SMARCA4: variants seen among roughly 807,000 people sequenced by gnomAD.
SMARCA4 encodes SWI/SNF-related matrix-associated actin-dependent regulator of chromatin subfamily A member 4.
SMARCA4 carries 31 observed loss-of-function variants against 193.9 expected under a neutral mutation model. The observed-to-expected ratio is 0.16, with a 90% CI of 0.12 to 0.22. The LOEUF (loss-of-function observed/expected upper bound fraction) is 0.22, where lower values mean the gene tolerates loss of function less well. Among genes scored for constraint, SMARCA4 ranks in the 10% least tolerant of loss-of-function variants. The pLI is 1.00. For missense variants in SMARCA4, 1,148 were observed against 2,296.0 expected, an observed-to-expected ratio of 0.50 and a Z score of 10.22; for synonymous variants, 942 against 933.1, an observed-to-expected ratio of 1.01 and a Z score of -0.17.
At chr19:11,061,598 G>A (rs750176596) in intron 34 of SMARCA4, 186 bp from the exon 35 acceptor site, 21 of 660,532 alleles carry the variant, frequency 3.2e-5, no homozygotes, top group South Asian at 6.4e-5. Context: ...GGATGGTCTC[G>A]ATCTCCTGAC....
intron 13 of SMARCA4, among the ~76,000 whole-genome samples, chr19:11,005,581 C>T (rs997568194): frequency 2.6e-5 from 4 of 152,184 alleles, no homozygotes; most frequent in African/African-American, 9.7e-5. Context: ...TCAGCCTCAG[C>T]CAGTGATACG....
Position 10,986,119 on chromosome 19 carries a change from A to G in SMARCA4, c.356-70A>G. 1 of 1,290,880 alleles carries G rather than the reference A, an allele frequency of 7.7e-7. No homozygotes were observed. The highest frequency in any genetic ancestry group is 2.3e-5 in the East Asian group (1 of 43,300). 80.0% of individuals were successfully genotyped at this position (1,290,880 alleles called of 1,614,324 possible). A position where few individuals can be genotyped will look rare whatever the true frequency, so the allele number is the denominator to read the frequency against. ...CCTGTCTCAGAGTAGGAGCTGGTGT[A>G]GGGGGAAGAGGCTGTAAAAATCACA... On this transcript the variant is annotated intron_variant, in intron 3 of 34. Transcript: ENST00000344626. This position sits in a 1 kb window ranked among gnomAD's most constrained non-coding sequence, Gnocchi z 6.7.
chr19:10,989,870 A>G (rs375412797), intron 7 of SMARCA4, among the ~76,000 whole-genome samples: 1 of 151,674 alleles, frequency 6.6e-6, no homozygotes, highest in Non-Finnish European at 1.5e-5. Flanking sequence ...CCTAATTTTT[A>G]TATTTTTAGT....
Position 10,996,541 on chromosome 19 carries a change from C to T in SMARCA4, c.1809C>T (p.Gly603=), listed in dbSNP as rs1212410709. ...AGACGCCTGCCATTGGGCCGGATGG[C>T]GAGGTGAGGAAGCAGGGTTTCTTGT... ...EGQTPAIGPD[G]EPLDETSQMS... Residue 603 remains glycine (G), a synonymous_variant, in exon 11 of 35, where the codon GGC becomes GGT. Coordinates refer to ENST00000344626, the MANE Select transcript of SMARCA4 (RefSeq NM_003072.5). 6 of 1,613,990 alleles carry T rather than the reference C, an allele frequency of 3.7e-6. No individual in the cohort carries two copies. Among genetic ancestry groups the T allele is most frequent in the East Asian group, 4.5e-5 (2 of 44,878 alleles).
chr19:11,009,049 A>G (rs2146210654), intron 14 of SMARCA4, among the ~76,000 whole-genome samples: 1 of 87,428 alleles, frequency 1.1e-5, no homozygotes, highest in Admixed American at 1.8e-4. Flanking sequence ...TTTGAGATAG[A>G]GTCTTGCTCT....
At chr19:11,054,353 G>A (rs2076426118) in intron 30 of SMARCA4, among the ~76,000 whole-genome samples, 1 of 152,224 alleles carries the variant, frequency 6.6e-6, no homozygotes, top group Non-Finnish European at 1.5e-5. Context: ...TCGGCAACAG[G>A]GACAGCAAGG....
chr19:10,968,256 G>A (rs1179165716), intron 1 of SMARCA4, among the ~76,000 whole-genome samples: 12 of 152,190 alleles, frequency 7.9e-5, no homozygotes, highest in Middle Eastern at 3.2e-3. Flanking sequence ...CCAAACTGCT[G>A]AGATTACAGG....
Position 10,967,867 on chromosome 19 carries a change from T to A in SMARCA4, c.-32+6693T>A, listed in dbSNP as rs190503282. Among the ~76,000 whole-genome samples the A allele has an allele frequency of 1.8e-3, 275 of 150,322 alleles. 2 individuals are homozygous for A. The highest frequency in any genetic ancestry group is 2.8e-3 in the Non-Finnish European group (189 of 67,608). On this transcript the variant is annotated intron_variant, in intron 1 of 34. Coordinates refer to ENST00000344626, the MANE Select transcript of SMARCA4 (RefSeq NM_003072.5). ...GCCCGGCTAATTTTGTATTTTTTTT[T>A]AATTTTTATTTATTTATTTATTTTT... is the stretch of plus-strand genomic sequence containing the variant.
In SMARCA4 at chr19:11,034,216, T is replaced by A. The variant is rs2146680754; in HGVS notation, c.3951+16T>A. 1 of 1,603,200 alleles carries A rather than the reference T, an allele frequency of 6.2e-7. No individual in the cohort carries two copies. Among genetic ancestry groups the A allele is most frequent in the Non-Finnish European group, 8.5e-7 (1 of 1,170,458 alleles). ...TCTGTTCATGGTAAGCGCTGCAGGC[T>A]GGATGGGGCAGTTCAGGCATCCCAC... On this transcript the variant is annotated intron_variant, in intron 28 of 34. Coordinates refer to ENST00000344626, the MANE Select transcript of SMARCA4 (RefSeq NM_003072.5). The surrounding 1 kb of genome is among the most constrained non-coding windows in gnomAD (Gnocchi z 7.0).
At chr19:10,975,491 A>G (rs2085058213) in intron 1 of SMARCA4, among the ~76,000 whole-genome samples, 1 of 150,918 alleles carries the variant, frequency 6.6e-6, no homozygotes, top group Non-Finnish European at 1.5e-5. Context: ...TTTGTATTTT[A>G]GTAGAGATAG....
At position 11,033,529 on chromosome 19, in the gene SMARCA4, A is replaced by G. The variant is rs1273717901; in HGVS notation, c.3774+12A>G. On this transcript the variant is annotated intron_variant, in intron 26 of 34. Coordinates refer to ENST00000344626, the MANE Select transcript of SMARCA4 (RefSeq NM_003072.5). The surrounding 1 kb of genome is among the most constrained non-coding windows in gnomAD (Gnocchi z 9.8). The stretch of plus-strand genomic sequence containing the variant: ...AGGAGCAGGATGAGGTGAGCCCAGC[A>G]CCGGCCCCGACCCCTCCCCAGCGTG... 2 of 1,597,482 alleles carry G rather than the reference A, an allele frequency of 1.3e-6. No homozygotes were observed. Among genetic ancestry groups the G allele is most frequent in the Non-Finnish European group, 1.7e-6 (2 of 1,166,046 alleles).
chr19:10,978,662 A>T (rs897478624), intron 1 of SMARCA4, among the ~76,000 whole-genome samples: 21 of 149,096 alleles, frequency 1.4e-4, no homozygotes, highest in Admixed American at 1.3e-4. Flanking sequence ...TACCGGCCAC[A>T]TATGTGGTGG....
intron 1 of SMARCA4, among the ~76,000 whole-genome samples, chr19:10,975,277 A>G (rs1055941254): frequency 2.0e-5 from 3 of 149,884 alleles, no homozygotes; most frequent in East Asian, 3.9e-4. Flanking sequence ...TTGGCCTCCA[A>G]AGTGCTGGGA....
rs866171116 is a variant in SMARCA4, at chr19:10,987,476, G to A, written c.860-190G>A. Among the ~76,000 whole-genome samples the A allele has an allele frequency of 6.6e-6, 1 of 152,186 alleles. No homozygotes were observed. The highest frequency in any genetic ancestry group is 1.5e-5 in the Non-Finnish European group (1 of 68,034). On this transcript the variant is annotated intron_variant, in intron 5 of 34. Transcript: ENST00000344626. The surrounding 1 kb of genome is among the most constrained non-coding windows in gnomAD (Gnocchi z 5.3). Reference sequence around the variant, plus strand: ...GGCCCCAGTGGAGGGTGTGAAGGACGAGGGTGAGGCTGAGATCTGGAGGAG... The same window carrying A: ...GGCCCCAGTGGAGGGTGTGAAGGACAAGGGTGAGGCTGAGATCTGGAGGAG...
chr19:11,035,884 T>C (rs143436706), intron 29 of SMARCA4, among the ~76,000 whole-genome samples: 9 of 152,340 alleles, frequency 5.9e-5, no homozygotes, highest in East Asian at 1.9e-4. Flanking sequence ...CTCTGAGTTA[T>C]AGAGACGATG....
At chr19:10,970,240 G>A (rs1465359004) in intron 1 of SMARCA4, among the ~76,000 whole-genome samples, 1 of 152,110 alleles carries the variant, frequency 6.6e-6, no homozygotes, top group African/African-American at 2.4e-5. Flanking sequence ...ACCCCGAGTC[G>A]TATCCGTTAT....
chr19:10,990,127 C>T (rs2086427806), intron 7 of SMARCA4, among the ~76,000 whole-genome samples: 2 of 151,068 alleles, frequency 1.3e-5, no homozygotes, highest in Non-Finnish European at 3.0e-5. Flanking sequence ...GTAGCTGGGA[C>T]TATAGGCGTG....
chr19:11,045,318 TA>T (rs34095104), intron 30 of SMARCA4, among the ~76,000 whole-genome samples: 79 of 144,038 alleles, frequency 5.5e-4, no homozygotes, highest in Middle Eastern at 3.5e-3. Context: ...GGACTCCGTC[TA>T]AAAAAAAAAA....
Position 11,035,137 on chromosome 19 carries a change from A to G in SMARCA4, c.4170+5A>G, listed in dbSNP as rs749029481. 2.2e-5 allele frequency: 36 copies of G among 1,610,006 alleles called. No homozygotes were observed. Among genetic ancestry groups the G allele is most frequent in the Non-Finnish European group, 3.0e-5 (35 of 1,178,714 alleles). ...ACGGAGAAGCAGTGGCTCAAGGTAC[A>G]TGCTGGAGAGGCCCAGCAGCTGCCG... On this transcript the variant is annotated splice_donor_5th_base_variant and intron_variant, in intron 29 of 34. Coordinates refer to ENST00000344626, the MANE Select transcript of SMARCA4 (RefSeq NM_003072.5).
Sources: allele counts gnomAD v4.1 joint callset (sites outside exome capture counted in the v4.1 genomes callset), GRCh38; gene constraint gnomAD v4.1.1; non-coding constraint Gnocchi (gnomAD v3.1); transcripts MANE v1.5; gene names NCBI Gene and HGNC (gene_info 2026-07-23, HGNC 2026-07-21).